NBAS: variants seen among roughly 807,000 people sequenced by gnomAD.
The protein encoded by NBAS is NAG/BC035112 fusion.
NBAS carries 219 observed loss-of-function variants against 302.5 expected under a neutral mutation model. That is an observed-to-expected ratio of 0.72 (90% CI 0.65 to 0.81). The LOEUF (loss-of-function observed/expected upper bound fraction) is 0.81, where lower values mean the gene tolerates loss of function less well. NBAS is among the 30% of genes least tolerant of loss of function. The pLI is 0.00. For synonymous variants in NBAS, 1,118 were observed against 1,021.6 expected (o/e 1.09, Z -1.80); for missense variants, 2,932 against 2,841.6 (o/e 1.03, Z -0.72).
chr2:15,203,865 TGTGTC>T (rs754292192), intron 48 of NBAS, among the ~76,000 whole-genome samples: 6,015 of 127,638 alleles, frequency 0.047, 120 homozygotes, highest in East Asian at 0.11. Flanking sequence ...TGTGTGTGTC[TGTGTC>T]TGTGTGTGTG....
the NBAS span, among the ~76,000 whole-genome samples, chr2:14,913,716 G>A: frequency 6.6e-6 from 1 of 152,160 alleles, no homozygotes; most frequent in South Asian, 2.1e-4. Context: ...CAGCTTGGAA[G>A]TTACAGTAAT....
chr2:15,356,702 G>A (rs758006952), intron 32 of NBAS, among the ~76,000 whole-genome samples: 31 of 152,114 alleles, frequency 2.0e-4, no homozygotes, highest in Non-Finnish European at 3.8e-4. Flanking sequence ...AAAAGTCTTG[G>A]TATTACCAGG....
intron 11 of NBAS, among the ~76,000 whole-genome samples, chr2:15,498,051 C>T (rs6431708): frequency 0.64 from 96,452 of 151,538 alleles, 31,385 homozygotes; most frequent in Non-Finnish European, 0.68. Flanking sequence ...ACTGATTCTC[C>T]GTAACTAATC....
the NBAS span, among the ~76,000 whole-genome samples, chr2:15,084,997 C>A: frequency 6.6e-6 from 1 of 152,234 alleles, no homozygotes; most frequent in Non-Finnish European, 1.5e-5. Context: ...CTGCAGGGAG[C>A]ATGCAGGGAG....
chr2:15,010,923 G>A, the NBAS span, among the ~76,000 whole-genome samples: 1 of 152,158 alleles, frequency 6.6e-6, no homozygotes, highest in East Asian at 1.9e-4. Flanking sequence ...ATACAACCAG[G>A]AGATATTAAA....
chr2:14,840,229 C>T, the NBAS span, among the ~76,000 whole-genome samples: 5 of 151,540 alleles, frequency 3.3e-5, no homozygotes, highest in African/African-American at 1.2e-4. Context: ...TTTACAAACA[C>T]ACAGTCAGAG....
In NBAS at chr2:15,218,953, T is replaced by G. The variant is rs1255170475; in HGVS notation, c.6252A>C (p.Ser2084=). The change falls in exon 48 of 52, where the codon TCA becomes TCC. Residue 2084 remains serine, a synonymous_variant. Transcript: ENST00000281513. ...GCAGCCACTCCAGCAGGTCCTCAGG[T>G]GAAACCAGCTCCTCACTGCAGGGCA... ...ASVDKGEELV[S]PEDLLEWLRP... 1 of 1,614,258 alleles carries G rather than the reference T, an allele frequency of 6.2e-7. No individual in the cohort carries two copies. The highest frequency in any genetic ancestry group is 8.5e-7 in the Non-Finnish European group (1 of 1,180,050).
At chr2:14,943,447 A>C in the NBAS span, among the ~76,000 whole-genome samples, 3 of 152,240 alleles carry the variant, frequency 2.0e-5, no homozygotes, top group African/African-American at 7.2e-5. Context: ...TCTGACTGTA[A>C]TTCCTAAAAG....
At chr2:15,284,158 TG>T (rs1339582144) in intron 42 of NBAS, among the ~76,000 whole-genome samples, 2 of 125,150 alleles carry the variant, frequency 1.6e-5, no homozygotes, top group Non-Finnish European at 3.4e-5. Flanking sequence ...AAGCGGGAAA[TG>T]GAAAAAAAAA....
At chr2:15,274,188 CAAT>C (rs1252207945) in intron 44 of NBAS, among the ~76,000 whole-genome samples, 2 of 152,060 alleles carry the variant, frequency 1.3e-5, no homozygotes, top group East Asian at 3.8e-4. Flanking sequence ...ACTAGGGTTG[CAAT>C]AATAAGAAAA....
the NBAS span, among the ~76,000 whole-genome samples, chr2:15,143,028 G>C: frequency 6.6e-6 from 1 of 152,144 alleles, no homozygotes; most frequent in African/African-American, 2.4e-5. Flanking sequence ...GTATTCTCTA[G>C]ACTACTCACT....
chr2:15,110,783 A>G, the NBAS span, among the ~76,000 whole-genome samples: 1 of 152,160 alleles, frequency 6.6e-6, no homozygotes. Context: ...TCTCCCCAAC[A>G]CAAATACACA....
At chr2:14,801,866 GTTGT>G in the NBAS span, among the ~76,000 whole-genome samples, 1 of 151,042 alleles carries the variant, frequency 6.6e-6, no homozygotes, top group South Asian at 2.1e-4. Context: ...TTTTGATGGG[GTTGT>G]TTGTTTTTTT....
intron 51 of NBAS, among the ~76,000 whole-genome samples, chr2:15,173,988 G>A (rs1364702750): frequency 6.6e-6 from 1 of 152,184 alleles, no homozygotes; most frequent in Admixed American, 6.5e-5. Context: ...ATGCATGCTT[G>A]ATATGTCTGT....
chr2:15,084,816 G>A, the NBAS span, among the ~76,000 whole-genome samples: 1 of 152,188 alleles, frequency 6.6e-6, no homozygotes, highest in Non-Finnish European at 1.5e-5. Flanking sequence ...TTTAGGCAAC[G>A]TGAAGCAAAA....
Position 15,505,537 on chromosome 2 carries a change from A to C in NBAS, c.886-1324T>G, listed in dbSNP as rs115725765. On this transcript the variant is annotated intron_variant, in intron 10 of 51. Transcript: ENST00000281513. ...CAGCAAGACAATAGACAACCACAAC[A>C]TCAGAGGATCCACGCCCCCTCCTGC... Among the ~76,000 whole-genome samples the C allele has an allele frequency of 4.7e-3, 722 of 152,292 alleles. 8 individuals carry two copies. The highest frequency in any genetic ancestry group is 0.016 in the African/African-American group (672 of 41,554).
intron 41 of NBAS, among the ~76,000 whole-genome samples, chr2:15,290,403 A>G (rs1484606554): frequency 6.6e-6 from 1 of 152,222 alleles, no homozygotes; most frequent in Non-Finnish European, 1.5e-5. Context: ...TCAAAAGCAT[A>G]TATTTGTCCT....
At chr2:15,548,956 C>A (rs1034850391) in intron 6 of NBAS, among the ~76,000 whole-genome samples, 1 of 151,962 alleles carries the variant, frequency 6.6e-6, no homozygotes, top group Non-Finnish European at 1.5e-5. Context: ...AGGCTGATTG[C>A]GAAAAGTCTT....
intron 47 of NBAS, among the ~76,000 whole-genome samples, chr2:15,220,269 C>A (rs1373439563): frequency 6.6e-6 from 1 of 152,160 alleles, no homozygotes; most frequent in Non-Finnish European, 1.5e-5. Context: ...AGAGGCGCCC[C>A]TCACCTCCCG....
Sources: gnomAD v4.1 joint callset for allele counts (sites outside exome capture counted in the v4.1 genomes callset) on GRCh38, gnomAD v4.1.1 for gene constraint, MANE v1.5 for transcripts, NCBI Gene and HGNC (gene_info 2026-07-23, HGNC 2026-07-21) for gene names.